Variants in PKP4 observed in about 807,000 individuals in gnomAD.
The protein encoded by PKP4 is plakophilin 4.
A neutral mutation model predicts 145.1 loss-of-function variants in PKP4; 90 were observed. The ratio of observed to expected loss-of-function variants is 0.62; its 90% CI spans 0.52 to 0.74. PKP4 has a LOEUF of 0.74. PKP4 is among the 30% of genes least tolerant of loss of function. The pLI, the probability that PKP4 is intolerant of heterozygous loss-of-function variation, is 0.00. For missense variants in PKP4, 1,340 were observed against 1,482.7 expected (o/e 0.90, Z 1.58); for synonymous variants, 563 against 577.2 (o/e 0.98, Z 0.35).
intron 2 of PKP4, among the ~76,000 whole-genome samples, chr2:158,551,046 A>G (rs1380588704): frequency 6.6e-6 from 1 of 152,222 alleles, no homozygotes; most frequent in East Asian, 1.9e-4. Context: ...AAGATTTTAC[A>G]AATACAGTTA....
chr2:158,572,457 A>C (rs558300991), intron 2 of PKP4, among the ~76,000 whole-genome samples: 2 of 152,382 alleles, frequency 1.3e-5, no homozygotes, highest in South Asian at 4.1e-4. Context: ...AATCCTAAGC[A>C]ATAAACCTGG....
At chr2:158,463,225 A>C (rs897888627) in intron 1 of PKP4, among the ~76,000 whole-genome samples, 2 of 152,200 alleles carry the variant, frequency 1.3e-5, no homozygotes, top group African/African-American at 2.4e-5. Context: ...CTAGCCAACA[A>C]GTATAGGAGA....
intron 2 of PKP4, among the ~76,000 whole-genome samples, chr2:158,547,622 C>G (rs1271905215): frequency 6.6e-6 from 1 of 152,202 alleles, no homozygotes; most frequent in Non-Finnish European, 1.5e-5. Flanking sequence ...AGTAAAACCC[C>G]TAACGCTGTG....
At chr2:158,522,739 A>G (rs372637851) in intron 1 of PKP4, among the ~76,000 whole-genome samples, 2 of 152,190 alleles carry the variant, frequency 1.3e-5, no homozygotes, top group East Asian at 3.9e-4. Context: ...CTCACTAGGG[A>G]GTGCCAGACA....
chr2:158,666,720 C>T, intron 16 of PKP4, 157 bp downstream of exon 16: 1 of 565,794 alleles, frequency 1.8e-6, no homozygotes, highest in Non-Finnish European at 2.9e-6. Context: ...TGTTTTGTGA[C>T]CATTCTTTTT....
intron 8 of PKP4, 52 bp from the exon 9 acceptor site, chr2:158,634,018 G>T: frequency 1.0e-6 from 1 of 974,456 alleles, no homozygotes; most frequent in South Asian, 1.4e-5. Context: ...TTTAATTAAA[G>T]TGTGATCTCA....
chr2:158,624,831 C>T lies in PKP4; in HGVS notation c.604-47C>T, dbSNP rs762838548. 7 of 1,470,564 alleles carry T rather than the reference C, an allele frequency of 4.8e-6. No homozygotes were observed. In the East Asian group the frequency reaches 1.6e-4, roughly 34 times the overall value. The allele number at this position is 1,470,564 out of a possible 1,614,324, so 91.1% of individuals were successfully genotyped here. A position where few individuals can be genotyped will look rare whatever the true frequency, so the allele number is the denominator to read the frequency against. ...ATTTCTTTTGTAATGGCAATGAACA[C>T]AAAACCCTGGATAAACCCATTCTCT... On this transcript the variant is annotated intron_variant, in intron 6 of 21. Transcript: ENST00000389759.
At chr2:158,596,519 T>G (rs538630218) in intron 3 of PKP4, among the ~76,000 whole-genome samples, 1 of 152,068 alleles carries the variant, frequency 6.6e-6, no homozygotes, top group Non-Finnish European at 1.5e-5. Context: ...TAATTACATC[T>G]ATTTAATAGA....
At chr2:158,515,425 A>G (rs1313020132) in intron 1 of PKP4, among the ~76,000 whole-genome samples, 3 of 152,138 alleles carry the variant, frequency 2.0e-5, no homozygotes, top group Non-Finnish European at 4.4e-5. Context: ...GTTTGAGTCC[A>G]GCCTTGGCAA....
At chr2:158,470,329 A>T (rs950783101) in intron 1 of PKP4, among the ~76,000 whole-genome samples, 2 of 152,184 alleles carry the variant, frequency 1.3e-5, no homozygotes, top group Non-Finnish European at 1.5e-5. Flanking sequence ...AAGGCCCGTT[A>T]CAGTCAAACC....
chr2:158,674,081 A>G, intron 19 of PKP4, 81 bp downstream of exon 19: 1 of 842,730 alleles, frequency 1.2e-6, no homozygotes, highest in East Asian at 2.4e-5. Context: ...ATCAAACATA[A>G]GCTGGTTAAG....
intron 2 of PKP4, among the ~76,000 whole-genome samples, chr2:158,567,465 T>G (rs1400251450): frequency 2.0e-5 from 3 of 152,182 alleles, no homozygotes; most frequent in African/African-American, 7.2e-5. Flanking sequence ...TGGGTTGGGT[T>G]GGGTAGAGCG....
intron 1 of PKP4, among the ~76,000 whole-genome samples, chr2:158,472,873 G>C (rs62182679): frequency 0.91 from 138,538 of 151,788 alleles, 63,273 homozygotes; most frequent in East Asian, 0.98. Flanking sequence ...ACAGAGTAAT[G>C]GGACAACGTA....
chr2:158,458,684 A>G (rs1449052225), intron 1 of PKP4, among the ~76,000 whole-genome samples: 1 of 152,188 alleles, frequency 6.6e-6, no homozygotes, highest in East Asian at 1.9e-4. Context: ...TCACTTTGGT[A>G]TCCTAAGAAG....
intron 1 of PKP4, among the ~76,000 whole-genome samples, chr2:158,494,888 T>A (rs75314329): frequency 2.0e-5 from 3 of 149,040 alleles, no homozygotes; most frequent in Admixed American, 6.7e-5. Flanking sequence ...TTTTTTTTTT[T>A]AAAGTTGTGC....
chr2:158,660,321 T>C (rs1180335365), intron 12 of PKP4: 3 of 152,606 alleles, frequency 2.0e-5, no homozygotes, highest in African/African-American at 7.2e-5. Flanking sequence ...TGGCCCTGTG[T>C]CCATAGGTTG....
At chr2:158,511,106 G>C (rs2041469399) in intron 1 of PKP4, among the ~76,000 whole-genome samples, 1 of 152,230 alleles carries the variant, frequency 6.6e-6, no homozygotes, top group Admixed American at 6.5e-5. Context: ...CACGTCAGGG[G>C]CTGAGCGCGG....
chr2:158,577,134 T>C (rs1482071266), intron 2 of PKP4, 137 bp from the exon 3 acceptor site: 19 of 520,758 alleles, frequency 3.6e-5, no homozygotes, highest in Non-Finnish European at 5.5e-5. Flanking sequence ...CATCCAAAAA[T>C]TGCATTTCAC....
At chr2:158,474,907 C>T (rs904886059) in intron 1 of PKP4, among the ~76,000 whole-genome samples, 1 of 152,196 alleles carries the variant, frequency 6.6e-6, no homozygotes, top group African/African-American at 2.4e-5. Context: ...TATTCTCTTG[C>T]CTGCCCACAT....
Sources: gnomAD v4.1 joint callset for allele counts (sites outside exome capture counted in the v4.1 genomes callset) on GRCh38, gnomAD v4.1.1 for gene constraint, MANE v1.5 for transcripts, NCBI Gene and HGNC (gene_info 2026-07-23, HGNC 2026-07-21) for gene names.